Variants in AGBL4 observed in about 807,000 individuals in gnomAD.
AGBL4 encodes the protein AGBL carboxypeptidase 4.
Under a neutral mutation model 66.4 loss-of-function variants are expected in AGBL4, and 58 were observed. The observed-to-expected ratio is 0.87, with a 90% CI of 0.71 to 1.09. The LOEUF (loss-of-function observed/expected upper bound fraction) is 1.09, where lower values mean the gene tolerates loss of function less well. Among genes scored for constraint, AGBL4 ranks in the 50% least tolerant of loss-of-function variants. AGBL4 has a pLI of 0.00. For synonymous variants in AGBL4, 234 were observed against 222.9 expected (o/e 1.05, Z -0.44); for missense variants, 579 against 631.0 (o/e 0.92, Z 0.88).
chr1:49,996,575 C>T (rs998297169), intron 1 of AGBL4, among the ~76,000 whole-genome samples: 1 of 152,020 alleles, frequency 6.6e-6, no homozygotes, highest in Non-Finnish European at 1.5e-5. Flanking sequence ...GGTAAATGAA[C>T]AAGCCTAAGA....
intron 1 of AGBL4, among the ~76,000 whole-genome samples, chr1:49,923,996 C>T (rs1652518932): frequency 6.6e-6 from 1 of 152,070 alleles, no homozygotes; most frequent in Non-Finnish European, 1.5e-5. Context: ...ATAAATTGTT[C>T]TATTATATAG....
chr1:49,142,608 C>T (rs1229809653), intron 4 of AGBL4, among the ~76,000 whole-genome samples: 1 of 152,042 alleles, frequency 6.6e-6, no homozygotes, highest in Non-Finnish European at 1.5e-5. Flanking sequence ...TCTTTCCCTT[C>T]TTTTCTCCTA....
intron 6 of AGBL4, among the ~76,000 whole-genome samples, chr1:48,763,464 GTT>G (rs926760456): frequency 2.7e-4 from 41 of 152,020 alleles, no homozygotes; most frequent in African/African-American, 9.7e-4. Flanking sequence ...TTGCAATGGT[GTT>G]TTTTTGTGTG....
At chr1:49,516,630 C>T (rs1404825730) in intron 3 of AGBL4, among the ~76,000 whole-genome samples, 1 of 151,794 alleles carries the variant, frequency 6.6e-6, no homozygotes, top group Non-Finnish European at 1.5e-5. Flanking sequence ...TAATGGGTTG[C>T]CATTAAGAGA....
At chr1:49,360,168 T>A (rs1430564152) in intron 3 of AGBL4, among the ~76,000 whole-genome samples, 1 of 152,166 alleles carries the variant, frequency 6.6e-6, no homozygotes, top group Non-Finnish European at 1.5e-5. Context: ...AATCATTCCA[T>A]AAAGATCCTA....
chr1:48,774,584 A>C (rs1190546110), intron 6 of AGBL4, among the ~76,000 whole-genome samples: 1 of 152,216 alleles, frequency 6.6e-6, no homozygotes, highest in Admixed American at 6.5e-5. Flanking sequence ...CCAGTTTCCA[A>C]ATGATGCTTG....
chr1:49,428,626 C>A (rs1645717799), intron 3 of AGBL4, among the ~76,000 whole-genome samples: 1 of 152,184 alleles, frequency 6.6e-6, no homozygotes, highest in Non-Finnish European at 1.5e-5. Context: ...TTCTAAGATG[C>A]AGATTCAGAT....
At chr1:49,587,036 G>A (rs1311910497) in intron 3 of AGBL4, among the ~76,000 whole-genome samples, 1 of 151,970 alleles carries the variant, frequency 6.6e-6, no homozygotes, top group Non-Finnish European at 1.5e-5. Context: ...CTGAGGTCAG[G>A]AGTTCAAGAC....
intron 3 of AGBL4, among the ~76,000 whole-genome samples, chr1:49,413,213 C>T (rs1645353293): frequency 6.6e-6 from 1 of 152,118 alleles, no homozygotes. Context: ...TAGAGTTTAG[C>T]ACTGAGTAAG....
intron 7 of AGBL4, among the ~76,000 whole-genome samples, chr1:48,658,202 A>G (rs1372448262): frequency 1.3e-5 from 2 of 152,248 alleles, no homozygotes; most frequent in Non-Finnish European, 2.9e-5. Flanking sequence ...GCTGGCTTCA[A>G]AGCAGTGCTC....
At chr1:49,657,552 C>T (rs148325243) in intron 3 of AGBL4, among the ~76,000 whole-genome samples, 4,374 of 152,278 alleles carry the variant, frequency 0.029, 76 homozygotes, top group Middle Eastern at 0.085. Flanking sequence ...ATTGCCAAGA[C>T]AATCCTAAAC....
chr1:49,832,577 C>A (rs1233517178), intron 2 of AGBL4, among the ~76,000 whole-genome samples: 2 of 151,880 alleles, frequency 1.3e-5, no homozygotes, highest in Non-Finnish European at 1.5e-5. Context: ...GCCACACCGA[C>A]TTCCACAATG....
At chr1:49,463,552 A>T (rs1020421998) in intron 3 of AGBL4, among the ~76,000 whole-genome samples, 7 of 151,742 alleles carry the variant, frequency 4.6e-5, no homozygotes, top group African/African-American at 1.7e-4. Context: ...GATAAAAAGG[A>T]TGTTCCTTCT....
intron 3 of AGBL4, among the ~76,000 whole-genome samples, chr1:49,585,172 C>T (rs575323862): frequency 6.6e-6 from 1 of 152,316 alleles, no homozygotes; most frequent in Admixed American, 6.5e-5. Context: ...TACAGCGTAG[C>T]TCTACATCAT....
At chr1:48,954,335 A>G (rs1657255701) in intron 5 of AGBL4, among the ~76,000 whole-genome samples, 1 of 152,222 alleles carries the variant, frequency 6.6e-6, no homozygotes, top group African/African-American at 2.4e-5. Flanking sequence ...TGAAATATAT[A>G]CAAGGCACTT....
intron 7 of AGBL4, among the ~76,000 whole-genome samples, chr1:48,658,635 G>A (rs1365997907): frequency 1.3e-5 from 2 of 152,202 alleles, no homozygotes; most frequent in South Asian, 2.1e-4. Context: ...GAAAGGCCCC[G>A]TCACAAACGC....
chr1:49,829,992 A>C (rs1414296360), intron 2 of AGBL4, among the ~76,000 whole-genome samples: 2 of 152,186 alleles, frequency 1.3e-5, no homozygotes, highest in African/African-American at 2.4e-5. Context: ...GTATATGTGC[A>C]CATTTTCTTT....
At chr1:49,768,126 A>G (rs1643945331) in intron 2 of AGBL4, among the ~76,000 whole-genome samples, 1 of 152,126 alleles carries the variant, frequency 6.6e-6, no homozygotes, top group Non-Finnish European at 1.5e-5. Context: ...TCCTCCTGAA[A>G]TTATTCCAAA....
chr1:49,087,157 C>T (rs1321796456), intron 4 of AGBL4, among the ~76,000 whole-genome samples: 1 of 152,158 alleles, frequency 6.6e-6, no homozygotes, highest in African/African-American at 2.4e-5. Context: ...AGTGCAAGAG[C>T]TCTGACAAGT....
Sources: gnomAD v4.1 joint callset for allele counts (sites outside exome capture counted in the v4.1 genomes callset) on GRCh38, gnomAD v4.1.1 for gene constraint, MANE v1.5 for transcripts, NCBI Gene and HGNC (gene_info 2026-07-23, HGNC 2026-07-21) for gene names.